FAF2: variants seen among roughly 807,000 people sequenced by gnomAD.
FAF2 encodes the protein Fas associated factor family member 2.
Under a neutral mutation model 62.3 loss-of-function variants are expected in FAF2, and 9 were observed. The ratio of observed to expected loss-of-function variants is 0.14; its 90% CI spans 0.09 to 0.25. The LOEUF (loss-of-function observed/expected upper bound fraction) is 0.25, where lower values mean the gene tolerates loss of function less well. Among genes scored for constraint, FAF2 ranks in the 10% least tolerant of loss-of-function variants. FAF2 has a pLI of 1.00. For missense variants in FAF2, 368 were observed against 556.2 expected (o/e 0.66, Z 3.40); for synonymous variants, 202 against 198.0 (o/e 1.02, Z -0.17).
At position 176,492,140 on chromosome 5, in the gene FAF2, C is replaced by T. The variant is rs187561924; in HGVS notation, c.345-54C>T. On this transcript the variant is annotated intron_variant, in intron 4 of 10. Transcript: ENST00000261942. ...AGGAATCTGTACAAATTGGCCCACT[C>T]GATATGCACTGTAGTAAGCTGGATT... 14 of 1,609,674 alleles carry T rather than the reference C, an allele frequency of 8.7e-6. No homozygotes were observed. The Admixed American group carries it at 1.8e-4, about 21-fold the overall frequency.
At chr5:176,465,401 C>T (rs1264393462) in intron 1 of FAF2, among the ~76,000 whole-genome samples, 12 of 137,666 alleles carry the variant, frequency 8.7e-5, no homozygotes, top group African/African-American at 3.0e-4. Flanking sequence ...GAGTTTGGCC[C>T]TTGTCATCCA....
chr5:176,463,743 T>C (rs1041240075), intron 1 of FAF2, among the ~76,000 whole-genome samples: 9 of 149,624 alleles, frequency 6.0e-5, no homozygotes, highest in African/African-American at 2.0e-4. Flanking sequence ...TTTTTTTTTT[T>C]CCTTGAGACA....
chr5:176,483,631 C>T (rs957213835), intron 2 of FAF2, among the ~76,000 whole-genome samples: 3 of 152,220 alleles, frequency 2.0e-5, no homozygotes, highest in Non-Finnish European at 4.4e-5. Context: ...TAAAGACCAC[C>T]TTCACTTCTG....
chr5:176,461,282 G>A (rs1161452183), intron 1 of FAF2, among the ~76,000 whole-genome samples: 1 of 143,836 alleles, frequency 7.0e-6, no homozygotes, highest in Non-Finnish European at 1.5e-5. Context: ...CCAAGGTGCT[G>A]AGATTACAGG....
rs972870083 is a variant in FAF2 at position 176,463,949 on chromosome 5, C to T, written c.64-15239C>T. 6.6e-5 allele frequency among the ~76,000 whole-genome samples: 10 copies of T among 152,100 alleles called. No homozygotes were observed. In the South Asian group the frequency reaches 1.0e-3, roughly 16 times the overall value. ...TTCACCATGTTGGCCAGGCTGGTCT[C>T]GAACTCCTGACCTCAAGTGATCTGC... On this transcript the variant is annotated intron_variant, in intron 1 of 10. Transcript: ENST00000261942.
At chr5:176,470,521 G>A (rs769609719) in intron 1 of FAF2, among the ~76,000 whole-genome samples, 1 of 152,280 alleles carries the variant, frequency 6.6e-6, no homozygotes, top group Non-Finnish European at 1.5e-5. Flanking sequence ...AGGTTGTGGT[G>A]AGCCAAGATC....
At chr5:176,481,631 T>G (rs1341405739) in intron 2 of FAF2, among the ~76,000 whole-genome samples, 1 of 151,010 alleles carries the variant, frequency 6.6e-6, no homozygotes, top group Admixed American at 6.6e-5. Flanking sequence ...CACTCCAGCC[T>G]GGGGGACAGA....
chr5:176,488,290 C>A (rs1218327304), intron 3 of FAF2, among the ~76,000 whole-genome samples: 3 of 151,552 alleles, frequency 2.0e-5, no homozygotes, highest in African/African-American at 7.3e-5. Flanking sequence ...TTTCTGTATA[C>A]CATATTTTGA....
chr5:176,448,813 A>C (rs1758115588), intron 1 of FAF2, among the ~76,000 whole-genome samples: 1 of 152,094 alleles, frequency 6.6e-6, no homozygotes, highest in Non-Finnish European at 1.5e-5. Context: ...TCTGCCGGAG[A>C]AGCTTAGTCC....
intron 1 of FAF2, among the ~76,000 whole-genome samples, chr5:176,461,259 C>T (rs1339701284): frequency 1.3e-5 from 2 of 151,212 alleles, no homozygotes; most frequent in Non-Finnish European, 2.9e-5. Flanking sequence ...AGCAGTCCAC[C>T]CACCTCGGCC....
intron 3 of FAF2, among the ~76,000 whole-genome samples, chr5:176,487,824 C>T (rs1758900694): frequency 6.6e-6 from 1 of 151,810 alleles, no homozygotes; most frequent in African/African-American, 2.4e-5. Flanking sequence ...TTTCTATATA[C>T]ATTATTTTAG....
intron 1 of FAF2, among the ~76,000 whole-genome samples, chr5:176,458,653 C>G (rs1192740847): frequency 6.6e-6 from 1 of 151,990 alleles, no homozygotes; most frequent in Non-Finnish European, 1.5e-5. Flanking sequence ...ATCTGCCCAC[C>G]TCAGCCTTCC....
At position 176,479,333 on chromosome 5, in the gene FAF2, G is replaced by A. The variant is rs139631607; in HGVS notation, c.132+77G>A. 50 of 1,174,362 alleles carry A rather than the reference G, an allele frequency of 4.3e-5. No individual in the cohort carries two copies. In the African/African-American group the frequency reaches 6.5e-4, roughly 15 times the overall value. 72.7% of individuals were successfully genotyped at this position (1,174,362 alleles called of 1,614,324 possible). A position where few individuals can be genotyped will look rare whatever the true frequency, so the allele number is the denominator to read the frequency against. ...AGTCAAAACCGTATGTTTTTCCATA[G>A]CAGGAATCTTTTCAGTAGATTTTTT... On this transcript the variant is annotated intron_variant, in intron 2 of 10. Coordinates refer to ENST00000261942, the MANE Select transcript of FAF2 (RefSeq NM_014613.3).
intron 1 of FAF2, among the ~76,000 whole-genome samples, chr5:176,466,696 T>G (rs535626212): frequency 1.3e-5 from 2 of 152,328 alleles, no homozygotes; most frequent in African/African-American, 4.8e-5. Flanking sequence ...GACTGACACC[T>G]TCTTGTCTTC....
rs1209072214 is a variant in FAF2, at chr5:176,507,434, G to A, written c.*484G>A. The A allele has an allele frequency of 5.2e-6, 2 of 381,338 alleles. No homozygotes were observed. Among genetic ancestry groups the A allele is most frequent in the Non-Finnish European group, 1.1e-5 (2 of 190,224 alleles). The allele number at this position is 381,338 out of a possible 1,614,324, so 23.6% of individuals were successfully genotyped here. ...AGAAAGCACAGAGCAGAGAAGCAGA[G>A]ATGTTCCTTGAACTGCCCACAAGTT... On this transcript the variant is annotated 3_prime_UTR_variant, in exon 11 of 11. Coordinates refer to ENST00000261942, the MANE Select transcript of FAF2 (RefSeq NM_014613.3).
rs1333841859 is a variant in FAF2, at chr5:176,496,451, A to G, written c.662-35A>G. 4 of 1,491,778 alleles carry G rather than the reference A, an allele frequency of 2.7e-6. No homozygotes were observed. In the African/African-American group the frequency reaches 4.3e-5, roughly 16 times the overall value. 92.4% of individuals were successfully genotyped at this position (1,491,778 alleles called of 1,614,324 possible). ...TAAGGGTTGATCTTTTTCACCGTCA[A>G]GTCCTGCCCTTGATCTGTTGGGTCT... On this transcript the variant is annotated intron_variant, in intron 7 of 10. Transcript: ENST00000261942.
chr5:176,484,767 T>C (rs1045597659), intron 2 of FAF2, among the ~76,000 whole-genome samples: 1 of 151,966 alleles, frequency 6.6e-6, no homozygotes, highest in Non-Finnish European at 1.5e-5. Flanking sequence ...GGCAGGAGCC[T>C]GTAATCCCAG....
chr5:176,456,721 A>AC (rs1210885483), intron 1 of FAF2, among the ~76,000 whole-genome samples: 1 of 152,172 alleles, frequency 6.6e-6, no homozygotes, highest in Non-Finnish European at 1.5e-5. Context: ...ATCTGGAGGA[A>AC]CACCCCTGCC....
In FAF2 at chr5:176,494,215, C is replaced by G; in HGVS notation, c.601C>G (p.Leu201Val). 1 of 1,614,136 alleles carries G rather than the reference C, an allele frequency of 6.2e-7. No individual in the cohort carries two copies. The highest frequency in any genetic ancestry group is 1.7e-4 in the Middle Eastern group (1 of 6,056). The change falls in exon 7 of 11, where the codon CTA (leucine) becomes GTA (valine). Residue 201 changes from leucine (L) to valine (V), a missense_variant. Coordinates refer to ENST00000261942, the MANE Select transcript of FAF2 (RefSeq NM_014613.3). The surrounding 1 kb of genome is among the most constrained non-coding windows in gnomAD (Gnocchi z 4.0). Reference sequence around the variant, plus strand: ...ACTCTGTGCACCTGAAGTTATTTCACTAATAAACACTAGGATGCTCTTCTG... The same window carrying G: ...ACTCTGTGCACCTGAAGTTATTTCAGTAATAAACACTAGGATGCTCTTCTG... Reference protein sequence around the residue: ...NTLCAPEVISLINTRMLFWAC... With the variant: ...NTLCAPEVISVINTRMLFWAC...
Sources: gnomAD v4.1 joint callset for allele counts (sites outside exome capture counted in the v4.1 genomes callset) on GRCh38, gnomAD v4.1.1 for gene constraint, Gnocchi (gnomAD v3.1) non-coding constraint, MANE v1.5 for transcripts, NCBI Gene and HGNC (gene_info 2026-07-23, HGNC 2026-07-21) for gene names.